Variants in CARMIL1 observed in about 807,000 individuals in gnomAD.
CARMIL1 encodes capping protein regulator and myosin 1 linker 1.
CARMIL1 carries 90 observed loss-of-function variants against 177.1 expected under a neutral mutation model. That is an observed-to-expected ratio of 0.51 (90% confidence interval 0.43 to 0.61). The LOEUF is 0.61. Among genes scored for constraint, CARMIL1 ranks in the 20% least tolerant of loss-of-function variants. The probability of loss-of-function intolerance (pLI) is 0.00; values close to 1 mark genes in which losing one functional copy is unlikely to be tolerated. For synonymous variants in CARMIL1, 577 were observed against 606.2 expected, an observed-to-expected ratio of 0.95 and a Z score of 0.71; for missense variants, 1,380 against 1,667.0, an observed-to-expected ratio of 0.83 and a Z score of 3.00.
chr6:25,557,405 C>T (rs1288809724), intron 29 of CARMIL1, among the ~76,000 whole-genome samples: 5 of 152,116 alleles, frequency 3.3e-5, no homozygotes, highest in Non-Finnish European at 7.4e-5. Flanking sequence ...GCATATCCAT[C>T]TGGCCCTATA....
At chr6:25,512,341 G>C (rs534039145) in intron 20 of CARMIL1, among the ~76,000 whole-genome samples, 1 of 152,270 alleles carries the variant, frequency 6.6e-6, no homozygotes, top group Admixed American at 6.5e-5. Flanking sequence ...ATTCTGTCAA[G>C]TCACAAGTTT....
intron 29 of CARMIL1, among the ~76,000 whole-genome samples, chr6:25,579,114 T>C (rs944039270): frequency 2.7e-5 from 4 of 150,016 alleles, no homozygotes; most frequent in Admixed American, 2.7e-4. Flanking sequence ...TATTTTTATA[T>C]GTTTAAAATT....
chr6:25,281,453 A>G (rs962155757), intron 1 of CARMIL1, among the ~76,000 whole-genome samples: 23 of 152,078 alleles, frequency 1.5e-4, no homozygotes, highest in African/African-American at 5.3e-4. Flanking sequence ...AAGTGTAGGT[A>G]ATTACTTAGG....
At position 25,509,591 on chromosome 6, in the gene CARMIL1, A is replaced by T; in HGVS notation, c.1396-65A>T. 1 of 1,068,616 alleles carries T rather than the reference A, an allele frequency of 9.4e-7. No individual in the cohort carries two copies. The highest frequency in any genetic ancestry group is 1.4e-5 in the South Asian group (1 of 69,952). The allele number at this position is 1,068,616 out of a possible 1,614,324, so 66.2% of individuals were successfully genotyped here. ...AAGACTGACTGTCTCTCCTATTTTT[A>T]ATTTTTTGATTACATCTCCAGTAGA... On this transcript the variant is annotated intron_variant, in intron 17 of 36. Transcript: ENST00000329474. This position sits in a 1 kb window ranked among gnomAD's most constrained non-coding sequence, Gnocchi z 4.1.
chr6:25,601,474 A>G (rs3827501), intron 33 of CARMIL1, among the ~76,000 whole-genome samples: 18,454 of 152,242 alleles, frequency 0.12, 1,113 homozygotes, highest in East Asian at 0.18. Context: ...GTGAACTAAC[A>G]GAGGGAAATA....
At position 25,551,026 on chromosome 6, in the gene CARMIL1, T is replaced by C. The variant is rs1810048084; in HGVS notation, c.2445T>C (p.Arg815=). The change falls in exon 27 of 37, where the codon CGT becomes CGC. Residue 815 remains arginine (R), a synonymous_variant. Coordinates refer to ENST00000329474, the MANE Select transcript of CARMIL1 (RefSeq NM_017640.6). ...GCACCGAAAAGATTTCTATTCCACG[T>C]ACCTTTGTTAAAAATGTCCTGTTGG... ...HASTEKISIP[R]TFVKNVLLEQ... is the part of the protein sequence containing the mutation. The C allele has an allele frequency of 1.9e-6, 3 of 1,613,520 alleles. No individual in the cohort carries two copies. The highest frequency in any genetic ancestry group is 2.5e-6 in the Non-Finnish European group (3 of 1,179,546).
intron 29 of CARMIL1, among the ~76,000 whole-genome samples, chr6:25,567,086 TC>T (rs1257860760): frequency 6.6e-6 from 1 of 152,152 alleles, no homozygotes; most frequent in African/African-American, 2.4e-5. Flanking sequence ...TAACACACTT[TC>T]CCCCATCACA....
chr6:25,478,760 C>T (rs1801820751), intron 11 of CARMIL1, among the ~76,000 whole-genome samples: 1 of 151,612 alleles, frequency 6.6e-6, no homozygotes, highest in Non-Finnish European at 1.5e-5. Context: ...CGCGCCTCTG[C>T]ACTCCAGCCT....
intron 5 of CARMIL1, among the ~76,000 whole-genome samples, chr6:25,447,083 C>A (rs1283663282): frequency 6.6e-6 from 1 of 152,110 alleles, no homozygotes. Flanking sequence ...GTGAGAATTA[C>A]CAGAATGTGG....
chr6:25,482,207 T>C, intron 11 of CARMIL1, 50 bp from the exon 12 acceptor site: 1 of 881,164 alleles, frequency 1.1e-6, no homozygotes, highest in East Asian at 2.5e-5. Flanking sequence ...TTGTAAAAAA[T>C]GCAATTCTGA....
At chr6:25,304,588 A>C (rs1727429828) in intron 2 of CARMIL1, among the ~76,000 whole-genome samples, 1 of 152,196 alleles carries the variant, frequency 6.6e-6, no homozygotes, top group Admixed American at 6.5e-5. Flanking sequence ...CTGATCTGAC[A>C]GGAGGCAGAA....
intron 5 of CARMIL1, among the ~76,000 whole-genome samples, chr6:25,437,553 C>T (rs1348473120): frequency 6.6e-6 from 1 of 152,200 alleles, no homozygotes; most frequent in Admixed American, 6.5e-5. Context: ...AAATCTGTGA[C>T]CTCTGCTGTA....
intron 29 of CARMIL1, among the ~76,000 whole-genome samples, chr6:25,562,324 T>C (rs1811191411): frequency 6.6e-6 from 1 of 151,948 alleles, no homozygotes; most frequent in African/African-American, 2.4e-5. Flanking sequence ...CTCGGCTCAC[T>C]GCAGACTCTG....
At chr6:25,386,440 G>C (rs1199495523) in intron 2 of CARMIL1, among the ~76,000 whole-genome samples, 1 of 152,008 alleles carries the variant, frequency 6.6e-6, no homozygotes. Context: ...TTTTAGTAGA[G>C]ATGGGGTTTC....
chr6:25,463,819 CTTT>C (rs68160209), intron 8 of CARMIL1, among the ~76,000 whole-genome samples: 2 of 108,494 alleles, frequency 1.8e-5, no homozygotes, highest in Non-Finnish European at 3.6e-5. Flanking sequence ...AGTTGTTCTC[CTTT>C]TTTTTTTTTT....
chr6:25,594,108 G>A (rs1430919035), intron 31 of CARMIL1, among the ~76,000 whole-genome samples: 2 of 151,990 alleles, frequency 1.3e-5, no homozygotes, highest in African/African-American at 4.8e-5. Context: ...CTTACCACAC[G>A]CCTGCAGTGC....
intron 17 of CARMIL1, among the ~76,000 whole-genome samples, chr6:25,508,668 TTTG>T (rs1805155985): frequency 6.6e-6 from 1 of 152,350 alleles, no homozygotes; most frequent in Non-Finnish European, 1.5e-5. Context: ...GTACTGTAAA[TTTG>T]TTGTTAAACT....
chr6:25,514,641 G>A (rs1805796588), intron 20 of CARMIL1, among the ~76,000 whole-genome samples: 1 of 151,532 alleles, frequency 6.6e-6, no homozygotes, highest in South Asian at 2.1e-4. Flanking sequence ...TAAAGTTAAG[G>A]CTGAGTGTGG....
chr6:25,534,239 G>C (rs975324971), intron 24 of CARMIL1, among the ~76,000 whole-genome samples: 1 of 151,794 alleles, frequency 6.6e-6, no homozygotes, highest in South Asian at 2.1e-4. Flanking sequence ...ATGTTTATGG[G>C]GTAAGGGATT....
Sources: gnomAD v4.1 joint callset for allele counts (sites outside exome capture counted in the v4.1 genomes callset) on GRCh38, gnomAD v4.1.1 for gene constraint, Gnocchi (gnomAD v3.1) non-coding constraint, MANE v1.5 for transcripts, NCBI Gene and HGNC (gene_info 2026-07-23, HGNC 2026-07-21) for gene names.